The following ROBO2 variants were observed in gnomAD, a reference collection of about 807,000 sequenced individuals.
ROBO2 encodes roundabout homolog 2.
ROBO2 carries 53 observed loss-of-function variants against 160.8 expected under a neutral mutation model. That is an observed-to-expected ratio of 0.33 (90% CI 0.26 to 0.41). ROBO2 has a LOEUF of 0.41. Ranked by LOEUF, ROBO2 falls within the 10% of genes least tolerant of loss-of-function variation. The probability of loss-of-function intolerance (pLI) is 1.00; values close to 1 mark genes in which losing one functional copy is unlikely to be tolerated. For synonymous variants in ROBO2, 664 were observed against 611.7 expected (o/e 1.09, Z -1.26); for missense variants, 1,577 against 1,722.4 (o/e 0.92, Z 1.49).
intron 9 of ROBO2, among the ~76,000 whole-genome samples, chr3:77,561,159 T>C (rs2093310322): frequency 6.6e-6 from 1 of 152,172 alleles, no homozygotes; most frequent in East Asian, 1.9e-4. Flanking sequence ...GATAGTGAAA[T>C]GGCAGTAACA....
At chr3:76,065,823 T>C (rs1404023970) in intron 2 of ROBO2, among the ~76,000 whole-genome samples, 3 of 151,030 alleles carry the variant, frequency 2.0e-5, no homozygotes, top group Non-Finnish European at 4.4e-5. Flanking sequence ...AGTGAAGTGG[T>C]TATTCTGAAT....
intron 2 of ROBO2, among the ~76,000 whole-genome samples, chr3:77,203,606 C>A (rs2083126172): frequency 6.6e-6 from 1 of 152,108 alleles, no homozygotes. Flanking sequence ...TTCAAGAAAC[C>A]AAATGCCAAT....
chr3:76,093,205 C>T (rs1054595120), intron 2 of ROBO2, among the ~76,000 whole-genome samples: 4 of 151,864 alleles, frequency 2.6e-5, no homozygotes, highest in African/African-American at 9.7e-5. Flanking sequence ...AAATTTAATA[C>T]GTAAACAGTC....
intron 2 of ROBO2, among the ~76,000 whole-genome samples, chr3:76,805,832 CTTAAA>C (rs2064660409): frequency 1.3e-5 from 2 of 151,906 alleles, no homozygotes; most frequent in Non-Finnish European, 2.9e-5. Flanking sequence ...CCATTGGTGT[CTTAAA>C]TTAAAGTCCC....
chr3:76,459,003 A>C (rs141034509), intron 2 of ROBO2, among the ~76,000 whole-genome samples: 1 of 152,334 alleles, frequency 6.6e-6, no homozygotes, highest in East Asian at 1.9e-4. Context: ...TGCTGTATAC[A>C]TCATCTGTGA....
chr3:76,288,137 A>G (rs1399940959), intron 2 of ROBO2, among the ~76,000 whole-genome samples: 1 of 152,226 alleles, frequency 6.6e-6, no homozygotes, highest in East Asian at 1.9e-4. Flanking sequence ...TCTTTATAAG[A>G]TATGAAAAAA....
intron 6 of ROBO2, among the ~76,000 whole-genome samples, chr3:77,524,683 T>C (rs1490211891): frequency 6.6e-6 from 1 of 151,412 alleles, no homozygotes; most frequent in Admixed American, 6.6e-5. Context: ...CATAATTTGC[T>C]GAAAGTTTCA....
At chr3:76,503,430 T>G (rs1638326333) in intron 2 of ROBO2, among the ~76,000 whole-genome samples, 1 of 152,118 alleles carries the variant, frequency 6.6e-6, no homozygotes, top group African/African-American at 2.4e-5. Context: ...GCATCACAAG[T>G]CCATATGATC....
rs145587464 is a variant in ROBO2, at chr3:76,134,617, G to A, written c.109+197015G>A. On this transcript the variant is annotated intron_variant, in intron 2 of 26. Transcript: ENST00000487694. ...CACCTGTATGGAATGGCCTGAGCTT[G>A]GAAAAAGATCATAAGCTTCACAGGA... Among the ~76,000 whole-genome samples, 69 of 152,102 alleles carry A rather than the reference G, an allele frequency of 4.5e-4. No homozygotes were observed. The Middle Eastern group carries it at 0.017, about 37-fold the overall frequency.
chr3:77,292,834 G>T (rs1285769832), intron 2 of ROBO2, among the ~76,000 whole-genome samples: 1 of 149,914 alleles, frequency 6.7e-6, no homozygotes, highest in Non-Finnish European at 1.5e-5. Flanking sequence ...AAAACTGACG[G>T]TTAAACGGGT....
intron 2 of ROBO2, among the ~76,000 whole-genome samples, chr3:76,208,507 T>C (rs1383795117): frequency 6.6e-6 from 1 of 152,170 alleles, no homozygotes; most frequent in Non-Finnish European, 1.5e-5. Flanking sequence ...ACCGTGTCTC[T>C]TAGACACCAA....
rs562067317 is a variant in ROBO2, at chr3:76,593,086, A to G, written c.110-504928A>G. Among the ~76,000 whole-genome samples the G allele has an allele frequency of 2.1e-4, 32 of 152,194 alleles. No homozygotes were observed. The South Asian group carries it at 6.2e-3, about 30-fold the overall frequency. On this transcript the variant is annotated intron_variant, in intron 2 of 26. Transcript: ENST00000487694. ...TAACAAAGCAGCTGACCATATTTCA[A>G]CATATATTTATTGTGAAACTACCAT... is the stretch of plus-strand genomic sequence containing the variant.
chr3:75,985,775 A>T (rs959035875), intron 2 of ROBO2, among the ~76,000 whole-genome samples: 2 of 151,612 alleles, frequency 1.3e-5, no homozygotes, highest in Admixed American at 1.3e-4. Context: ...TATTCTAAGA[A>T]CCTCATATAA....
At chr3:77,383,067 G>C (rs1431920944) in intron 2 of ROBO2, among the ~76,000 whole-genome samples, 1 of 152,018 alleles carries the variant, frequency 6.6e-6, no homozygotes, top group East Asian at 1.9e-4. Context: ...GAAACTATTT[G>C]CATATGCATT....
chr3:76,289,339 G>A (rs1708688431), intron 2 of ROBO2, among the ~76,000 whole-genome samples: 1 of 152,054 alleles, frequency 6.6e-6, no homozygotes, highest in African/African-American at 2.4e-5. Context: ...TTTTTAATGG[G>A]CTTGATTGTT....
intron 2 of ROBO2, among the ~76,000 whole-genome samples, chr3:76,600,953 G>A (rs2087096209): frequency 6.6e-6 from 1 of 152,140 alleles, no homozygotes; most frequent in African/African-American, 2.4e-5. Context: ...AGATACAAGG[G>A]GGTTATGGGC....
At chr3:77,280,150 A>T (rs888380352) in intron 2 of ROBO2, among the ~76,000 whole-genome samples, 15 of 152,082 alleles carry the variant, frequency 9.9e-5, no homozygotes, top group African/African-American at 3.6e-4. Flanking sequence ...GTTCCATTCT[A>T]ATCTGGCCTC....
chr3:77,467,806 A>G (rs879858882), intron 2 of ROBO2, among the ~76,000 whole-genome samples: 3 of 152,010 alleles, frequency 2.0e-5, no homozygotes, highest in Admixed American at 1.3e-4. Flanking sequence ...ACTGTATTAT[A>G]TCTTCTAATG....
intron 5 of ROBO2, among the ~76,000 whole-genome samples, chr3:77,494,342 C>T (rs4684014): frequency 0.11 from 16,298 of 151,846 alleles, 1,112 homozygotes; most frequent in South Asian, 0.21. Context: ...TTTGGGAGGC[C>T]GAGGCAGGTG....
Sources: allele counts gnomAD v4.1 joint callset (sites outside exome capture counted in the v4.1 genomes callset), GRCh38; gene constraint gnomAD v4.1.1; transcripts MANE v1.5; gene names NCBI Gene and HGNC (gene_info 2026-07-23, HGNC 2026-07-21).